Variants in RPTOR observed in about 807,000 individuals in gnomAD.
RPTOR encodes the protein regulatory associated protein of MTOR complex 1.
Under a neutral mutation model 169.9 loss-of-function variants are expected in RPTOR, and 21 were observed. The ratio of observed to expected loss-of-function variants is 0.12; its 90% confidence interval spans 0.09 to 0.18. The LOEUF is 0.18. Ranked by LOEUF, RPTOR falls within the 10% of genes least tolerant of loss-of-function variation. RPTOR has a pLI of 1.00. For synonymous variants in RPTOR, 732 were observed against 753.2 expected (o/e 0.97, Z 0.46); for missense variants, 1,133 against 1,855.9 (o/e 0.61, Z 7.16).
At chr17:80,623,206 G>A (rs1181888891) in intron 1 of RPTOR, among the ~76,000 whole-genome samples, 6 of 151,984 alleles carry the variant, frequency 3.9e-5, no homozygotes, top group Non-Finnish European at 8.8e-5. Flanking sequence ...CGAAACAGGA[G>A]GAATGATCTA....
chr17:80,562,200 G>C lies in RPTOR; in HGVS notation c.162+16409G>C, dbSNP rs2084507644. ...GCAGGAGGATGCAGGGTGACACGCA[G>C]CCTCCTAACTGGATGTAGGAGAGAA... On this transcript the variant is annotated intron_variant, in intron 1 of 33. Transcript: ENST00000306801. The surrounding 1 kb of genome is among the most constrained non-coding windows in gnomAD (Gnocchi z 4.4). 6.6e-6 allele frequency among the ~76,000 whole-genome samples: 1 copy of C among 152,152 alleles called. No homozygotes were observed. Among genetic ancestry groups the C allele is most frequent in the South Asian group, 2.1e-4 (1 of 4,824 alleles).
At chr17:80,921,950 C>T (rs1214591408) in intron 21 of RPTOR, among the ~76,000 whole-genome samples, 1 of 152,204 alleles carries the variant, frequency 6.6e-6, no homozygotes, top group East Asian at 1.9e-4. Context: ...ATGACCACAG[C>T]CCCTCGGCCA....
At chr17:80,885,531 A>ATGTTT (rs754747567) in intron 17 of RPTOR, among the ~76,000 whole-genome samples, 18 of 151,792 alleles carry the variant, frequency 1.2e-4, no homozygotes, top group Non-Finnish European at 1.8e-4. Flanking sequence ...AAACAGTTTT[A>ATGTTT]TGTTTTGTTT....
intron 9 of RPTOR, among the ~76,000 whole-genome samples, chr17:80,829,597 A>C (rs995653163): frequency 6.6e-6 from 1 of 152,190 alleles, no homozygotes; most frequent in Non-Finnish European, 1.5e-5. Context: ...CAGAGGCTTC[A>C]GTGAAGCCCT....
intron 10 of RPTOR, among the ~76,000 whole-genome samples, chr17:80,840,766 G>GCTCA (rs2067632014): frequency 1.7e-5 from 2 of 115,802 alleles, no homozygotes; most frequent in Non-Finnish European, 1.8e-5. Context: ...CCACACGGCA[G>GCTCA]CTCTCACCAC....
chr17:80,698,610 C>T (rs1198246977), intron 3 of RPTOR, among the ~76,000 whole-genome samples: 1 of 152,224 alleles, frequency 6.6e-6, no homozygotes. Flanking sequence ...CACCGTTTAA[C>T]ATCCTCCCTT....
chr17:80,889,219 G>T (rs1327958370), intron 17 of RPTOR, among the ~76,000 whole-genome samples: 2 of 152,244 alleles, frequency 1.3e-5, no homozygotes. Context: ...GGGGGTTTGG[G>T]TCTGAGCAAC....
chr17:80,953,438 A>G (rs926273459), intron 28 of RPTOR, among the ~76,000 whole-genome samples: 7 of 152,150 alleles, frequency 4.6e-5, no homozygotes, highest in African/African-American at 1.7e-4. Context: ...CCCAGCTCCC[A>G]TAAGTTCCTC....
rs756826552 is a variant in RPTOR, at chr17:80,922,851, C to T, written c.2624+24C>T. 1.7e-5 allele frequency: 26 copies of T among 1,536,638 alleles called. No homozygotes were observed. The South Asian group carries it at 3.0e-4, about 18-fold the overall frequency. On this transcript the variant is annotated intron_variant, in intron 22 of 33. Coordinates refer to ENST00000306801, the MANE Select transcript of RPTOR (RefSeq NM_020761.3). ...GGGTAAGTGCCGCCCGCTCAGCCTG[C>T]AGGTCCGTGGTGGTGACCGGGGCCC...
At chr17:80,561,554 T>C (rs2143258208) in intron 1 of RPTOR, among the ~76,000 whole-genome samples, 1 of 152,094 alleles carries the variant, frequency 6.6e-6, no homozygotes, top group Admixed American at 6.5e-5. Context: ...GCCTCAGCCT[T>C]CTGAGTAGCT....
chr17:80,856,105 A>G (rs544935024), intron 12 of RPTOR, among the ~76,000 whole-genome samples: 2 of 152,388 alleles, frequency 1.3e-5, no homozygotes, highest in South Asian at 2.1e-4. Context: ...GGAGGCTGAG[A>G]GGGAACCACA....
rs753094933 is a variant in RPTOR at position 80,730,333 on chromosome 17, T to TG, written c.508-226dup. ...GTTGGCCAGGCTGGTCTTGAACTCC[T>TG]GACCTCAGGTGATCCACCCATCTCA... On this transcript the variant is annotated intron_variant, in intron 4 of 33. Coordinates refer to ENST00000306801, the MANE Select transcript of RPTOR (RefSeq NM_020761.3). The surrounding 1 kb of genome is among the most constrained non-coding windows in gnomAD (Gnocchi z 4.2). 6.6e-6 allele frequency among the ~76,000 whole-genome samples: 1 copy of TG among 152,138 alleles called. No homozygotes were observed. The highest frequency in any genetic ancestry group is 1.5e-5 in the Non-Finnish European group (1 of 68,014).
At chr17:80,870,134 C>T (rs2068036631) in intron 13 of RPTOR, among the ~76,000 whole-genome samples, 1 of 152,194 alleles carries the variant, frequency 6.6e-6, no homozygotes, top group Non-Finnish European at 1.5e-5. Flanking sequence ...ATACTCAGTC[C>T]AGACTGACCT....
chr17:80,611,271 T>C (rs1476475778), intron 1 of RPTOR, among the ~76,000 whole-genome samples: 1 of 152,136 alleles, frequency 6.6e-6, no homozygotes, highest in Non-Finnish European at 1.5e-5. Context: ...ATTATTATTA[T>C]TATTATTTGA....
At chr17:80,706,286 G>A (rs796722887) in intron 3 of RPTOR, among the ~76,000 whole-genome samples, 22 of 152,192 alleles carry the variant, frequency 1.4e-4, no homozygotes, top group African/African-American at 4.8e-4. Flanking sequence ...CCAGAAGGTC[G>A]TAGATTTACT....
chr17:80,921,416 AT>A (rs1483243505), intron 21 of RPTOR, among the ~76,000 whole-genome samples: 1 of 152,130 alleles, frequency 6.6e-6, no homozygotes, highest in South Asian at 2.1e-4. Context: ...CGGGACCCGC[AT>A]TCCCCCCACT....
intron 33 of RPTOR, among the ~76,000 whole-genome samples, chr17:80,963,794 CTGCGGCCCTCACCCCGTCCGCTG>C (rs2069383423): frequency 2.0e-5 from 2 of 97,662 alleles, no homozygotes; most frequent in South Asian, 3.7e-4. Flanking sequence ...CCCGTCCCCT[CTGCGGCCCTCACCCCGTCCGCTG>C]TGCGGCCGAG....
rs1486856472 is a variant in RPTOR, at chr17:80,646,908, C to T, written c.348+3098C>T. ...GAAATGCCTGTTTTCTCAACGGTAG[C>T]GTCCATCCAGGAGGTGCAGAAAGCC... On this transcript the variant is annotated intron_variant, in intron 3 of 33. Coordinates refer to ENST00000306801, the MANE Select transcript of RPTOR (RefSeq NM_020761.3). This position sits in a 1 kb window ranked among gnomAD's most constrained non-coding sequence, Gnocchi z 5.0. 6.6e-6 allele frequency among the ~76,000 whole-genome samples: 1 copy of T among 152,126 alleles called. No homozygotes were observed. The highest frequency in any genetic ancestry group is 2.1e-4 in the South Asian group (1 of 4,812).
intron 5 of RPTOR, among the ~76,000 whole-genome samples, chr17:80,744,082 C>T (rs532749842): frequency 3.7e-4 from 41 of 110,620 alleles, no homozygotes; most frequent in East Asian, 1.9e-3. Context: ...GTCCTGGTTA[C>T]GAGCACAGCC....
Sources: allele counts gnomAD v4.1 joint callset (sites outside exome capture counted in the v4.1 genomes callset), GRCh38; gene constraint gnomAD v4.1.1; non-coding constraint Gnocchi (gnomAD v3.1); transcripts MANE v1.5; gene names NCBI Gene and HGNC (gene_info 2026-07-23, HGNC 2026-07-21).